Variants in AP3S1 observed in about 807,000 individuals in gnomAD.
AP3S1 encodes the protein adaptor related protein complex 3 subunit sigma 1, also known as AP-3 complex subunit sigma-1.
In AP3S1, 12 loss-of-function variants were observed where a neutral mutation model predicts 21.3. The observed-to-expected ratio is 0.56, with a 90% CI of 0.36 to 0.91. AP3S1 has a LOEUF of 0.91. Among genes scored for constraint, AP3S1 ranks in the 40% least tolerant of loss-of-function variants. AP3S1 has a pLI of 0.01. For missense variants in AP3S1, 116 were observed against 225.0 expected (o/e 0.52, Z 3.10); for synonymous variants, 48 against 78.4 (o/e 0.61, Z 2.05).
intron 4 of AP3S1, among the ~76,000 whole-genome samples, chr5:115,899,060 C>T (rs1315511124): frequency 6.6e-6 from 1 of 152,190 alleles, no homozygotes; most frequent in Non-Finnish European, 1.5e-5. Context: ...TGTTAATATA[C>T]TCTATTCTCC....
At chr5:115,889,832 C>G (rs1323629632) in intron 3 of AP3S1, among the ~76,000 whole-genome samples, 1 of 151,602 alleles carries the variant, frequency 6.6e-6, no homozygotes, top group African/African-American at 2.4e-5. Context: ...ATAAAAAGAC[C>G]AATAGAAAAT....
chr5:115,900,993 A>C (rs9326977), intron 4 of AP3S1, among the ~76,000 whole-genome samples: 23,286 of 152,140 alleles, frequency 0.15, 1,961 homozygotes, highest in African/African-American at 0.19. Flanking sequence ...GTGTCTAATA[A>C]TTAATGTTGA....
At chr5:115,901,973 T>C (rs570579198) in intron 4 of AP3S1, among the ~76,000 whole-genome samples, 1 of 152,352 alleles carries the variant, frequency 6.6e-6, no homozygotes, top group Non-Finnish European at 1.5e-5. Flanking sequence ...TGCTAAGCAC[T>C]TACATAAATT....
intron 3 of AP3S1, among the ~76,000 whole-genome samples, chr5:115,886,598 T>TA (rs751165190): frequency 1.2e-4 from 19 of 152,208 alleles, no homozygotes; most frequent in Non-Finnish European, 2.6e-4. Context: ...CTGTTTATGT[T>TA]ATCGGTAAGG....
chr5:115,906,091 G>C (rs1374610488), intron 5 of AP3S1, among the ~76,000 whole-genome samples: 1 of 152,204 alleles, frequency 6.6e-6, no homozygotes, highest in Non-Finnish European at 1.5e-5. Context: ...CCGGGAGGCG[G>C]AGGTTGCAGT....
At chr5:115,860,141 C>T (rs1420392060) in intron 1 of AP3S1, among the ~76,000 whole-genome samples, 1 of 152,186 alleles carries the variant, frequency 6.6e-6, no homozygotes, top group Admixed American at 6.5e-5. Context: ...GGCTTCCATT[C>T]TCCATGTTCA....
chr5:115,896,117 C>G (rs1280528991), intron 4 of AP3S1, among the ~76,000 whole-genome samples: 1 of 152,030 alleles, frequency 6.6e-6, no homozygotes, highest in African/African-American at 2.4e-5. Flanking sequence ...TAAAAATTGG[C>G]TTTATTGAGG....
chr5:115,873,484 AAAG>A (rs987125638), intron 3 of AP3S1, among the ~76,000 whole-genome samples: 7 of 152,310 alleles, frequency 4.6e-5, no homozygotes, highest in African/African-American at 9.6e-5. Flanking sequence ...GTGTCACAAA[AAAG>A]AAGATTTCTG....
rs921568631 is a variant in AP3S1 at position 115,902,772 on chromosome 5, T to C, written c.346-113T>C. Reference sequence around the variant, plus strand: ...TATGAGCCCTTACTCCAAGTTGTTTTTACCACTCATACTTTTAACATAGAC... The same window carrying C: ...TATGAGCCCTTACTCCAAGTTGTTTCTACCACTCATACTTTTAACATAGAC... On this transcript the variant is annotated intron_variant, in intron 4 of 5. Transcript: ENST00000316788. 49 of 691,470 alleles carry C rather than the reference T, an allele frequency of 7.1e-5. No individual in the cohort carries two copies. The African/African-American group carries it at 8.8e-4, about 12-fold the overall frequency. 42.8% of individuals were successfully genotyped at this position (691,470 alleles called of 1,614,324 possible).
intron 1 of AP3S1, among the ~76,000 whole-genome samples, chr5:115,846,158 GT>G (rs1224530031): frequency 2.6e-5 from 4 of 151,976 alleles, no homozygotes; most frequent in African/African-American, 7.3e-5. Flanking sequence ...GTATCCTCTG[GT>G]GAATTACTTT....
At chr5:115,885,565 G>A (rs1361994970) in intron 3 of AP3S1, among the ~76,000 whole-genome samples, 2 of 152,288 alleles carry the variant, frequency 1.3e-5, no homozygotes, top group East Asian at 3.9e-4. Context: ...CTTTGTTCTA[G>A]CCACGCTGGC....
intron 1 of AP3S1, among the ~76,000 whole-genome samples, chr5:115,855,267 G>C (rs933906488): frequency 6.6e-6 from 1 of 152,018 alleles, no homozygotes; most frequent in African/African-American, 2.4e-5. Context: ...TTGAACTCCT[G>C]ACCTCAAATG....
At chr5:115,860,571 C>G (rs925810542) in intron 1 of AP3S1, among the ~76,000 whole-genome samples, 2 of 152,222 alleles carry the variant, frequency 1.3e-5, no homozygotes, top group Non-Finnish European at 2.9e-5. Flanking sequence ...CACTTCCAGA[C>G]ATATGTAAAA....
At chr5:115,878,032 C>T in intron 3 of AP3S1, among the ~76,000 whole-genome samples, 1 of 152,134 alleles carries the variant, frequency 6.6e-6, no homozygotes, top group East Asian at 1.9e-4. Flanking sequence ...CCTTTGCCCA[C>T]TTTTTGATGG....
At chr5:115,859,512 A>G (rs1763021894) in intron 1 of AP3S1, among the ~76,000 whole-genome samples, 1 of 152,172 alleles carries the variant, frequency 6.6e-6, no homozygotes. Flanking sequence ...ATCATGACCA[A>G]TTTCAGGCTA....
chr5:115,868,305 C>T (rs1382520101), intron 2 of AP3S1, among the ~76,000 whole-genome samples: 2 of 152,124 alleles, frequency 1.3e-5, no homozygotes, highest in African/African-American at 2.4e-5. Context: ...ATCACTAAAT[C>T]GCTGATTCAG....
intron 3 of AP3S1, among the ~76,000 whole-genome samples, chr5:115,880,411 A>G (rs1004851082): frequency 1.5e-4 from 23 of 152,066 alleles, no homozygotes; most frequent in Admixed American, 1.4e-3. Flanking sequence ...CTTTGTTCTC[A>G]TTGGTTTCAA....
At chr5:115,905,509 T>A (rs1751571490) in intron 5 of AP3S1, among the ~76,000 whole-genome samples, 1 of 152,196 alleles carries the variant, frequency 6.6e-6, no homozygotes, top group Admixed American at 6.5e-5. Context: ...ACTACAAAAT[T>A]ATATATTTTC....
chr5:115,859,556 G>C (rs1763023887), intron 1 of AP3S1, among the ~76,000 whole-genome samples: 1 of 152,210 alleles, frequency 6.6e-6, no homozygotes, highest in African/African-American at 2.4e-5. Context: ...GAATTAGGAA[G>C]AGATACACCC....
Sources: gnomAD v4.1 joint callset for allele counts (sites outside exome capture counted in the v4.1 genomes callset) on GRCh38, gnomAD v4.1.1 for gene constraint, MANE v1.5 for transcripts, NCBI Gene and HGNC (gene_info 2026-07-23, HGNC 2026-07-21) for gene names.